MSRA: variants seen among roughly 807,000 people sequenced by gnomAD.
MSRA encodes the protein methionine sulfoxide reductase A, also known as mitochondrial peptide methionine sulfoxide reductase.
MSRA carries 54 observed loss-of-function variants against 31.3 expected under a neutral mutation model. That is an observed-to-expected ratio of 1.73 (90% confidence interval 1.39 to 2.17). The LOEUF is 2.17. Ranked by LOEUF, MSRA falls within the 30% of genes most tolerant of loss-of-function variation. MSRA has a pLI of 0.00. For missense variants in MSRA, 507 were observed against 300.9 expected, an observed-to-expected ratio of 1.69 and a Z score of -5.07; for synonymous variants, 169 against 116.5, an observed-to-expected ratio of 1.45 and a Z score of -2.90.
intron 5 of MSRA, among the ~76,000 whole-genome samples, chr8:10,367,815 T>G (rs887891952): frequency 8.5e-5 from 13 of 152,168 alleles, no homozygotes; most frequent in African/African-American, 3.1e-4. Context: ...TGGAAGAGGG[T>G]AACTGGGATG....
At chr8:10,130,884 C>T (rs1464374198) in intron 1 of MSRA, among the ~76,000 whole-genome samples, 2 of 152,192 alleles carry the variant, frequency 1.3e-5, no homozygotes, top group Non-Finnish European at 2.9e-5. Context: ...ATAGCCTTCT[C>T]AGGTTTTAGA....
At chr8:10,410,481 G>A (rs577779632) in intron 5 of MSRA, among the ~76,000 whole-genome samples, 1 of 152,206 alleles carries the variant, frequency 6.6e-6, no homozygotes, top group African/African-American at 2.4e-5. Flanking sequence ...GTTTAGAGCA[G>A]TGCTCCTGAA....
intron 1 of MSRA, among the ~76,000 whole-genome samples, chr8:10,125,853 A>G (rs1487989014): frequency 6.6e-6 from 1 of 152,180 alleles, no homozygotes; most frequent in East Asian, 1.9e-4. Flanking sequence ...ATTACTCACA[A>G]CAATGCGTCA....
chr8:10,423,795 TC>T (rs1207934121), intron 5 of MSRA, among the ~76,000 whole-genome samples: 1 of 152,090 alleles, frequency 6.6e-6, no homozygotes, highest in Non-Finnish European at 1.5e-5. Flanking sequence ...CTCCCACCAT[TC>T]CTTCCCAGGC....
At chr8:10,378,528 G>A (rs993715832) in intron 5 of MSRA, among the ~76,000 whole-genome samples, 1 of 152,196 alleles carries the variant, frequency 6.6e-6, no homozygotes, top group Non-Finnish European at 1.5e-5. Flanking sequence ...TGAACAGGCT[G>A]GGTGAGACTG....
intron 1 of MSRA, among the ~76,000 whole-genome samples, chr8:10,071,306 C>T (rs973736044): frequency 1.9e-4 from 29 of 152,138 alleles, no homozygotes; most frequent in Middle Eastern, 3.2e-3. Flanking sequence ...TATCCTCTTT[C>T]GTTAAATGTC....
chr8:10,294,728 G>A (rs77293159), intron 3 of MSRA, among the ~76,000 whole-genome samples: 1 of 152,284 alleles, frequency 6.6e-6, no homozygotes, highest in African/African-American at 2.4e-5. Flanking sequence ...GCGGGCTACA[G>A]CAGAGCCCAG....
chr8:10,102,150 C>T (rs1366082053), intron 1 of MSRA, among the ~76,000 whole-genome samples: 1 of 152,018 alleles, frequency 6.6e-6, no homozygotes, highest in African/African-American at 2.4e-5. Context: ...GCTCATTCAC[C>T]TTCTTGAATA....
At chr8:10,246,462 G>GT (rs1225455339) in intron 3 of MSRA, among the ~76,000 whole-genome samples, 1 of 152,204 alleles carries the variant, frequency 6.6e-6, no homozygotes, top group Admixed American at 6.5e-5. Flanking sequence ...TAGGGAGGGA[G>GT]TATCTGGAGT....
At chr8:10,165,506 G>A (rs920491857) in intron 1 of MSRA, among the ~76,000 whole-genome samples, 5 of 152,176 alleles carry the variant, frequency 3.3e-5, no homozygotes, top group African/African-American at 9.7e-5. Context: ...ACAGGCAAGG[G>A]GGCTAAGACC....
intron 1 of MSRA, among the ~76,000 whole-genome samples, chr8:10,055,417 G>A (rs943956637): frequency 9.8e-5 from 15 of 152,358 alleles, no homozygotes; most frequent in Non-Finnish European, 1.2e-4. Flanking sequence ...TTCTGCTGCA[G>A]ACAGCACGCG....
intron 5 of MSRA, among the ~76,000 whole-genome samples, chr8:10,336,303 T>C (rs1803039377): frequency 6.6e-6 from 1 of 152,172 alleles, no homozygotes; most frequent in African/African-American, 2.4e-5. Context: ...AACATTATTA[T>C]GCCAGAGACA....
At chr8:10,092,081 C>G (rs375199498) in intron 1 of MSRA, among the ~76,000 whole-genome samples, 1,106 of 100,128 alleles carry the variant, frequency 0.011, 17 homozygotes, top group African/African-American at 0.027. Context: ...GTTAAAGGGT[C>G]TGTAGTACTC....
intron 5 of MSRA, among the ~76,000 whole-genome samples, chr8:10,425,723 A>T (rs34629088): frequency 0.22 from 33,368 of 152,226 alleles, 3,946 homozygotes; most frequent in East Asian, 0.29. Flanking sequence ...CGGAGTGGGT[A>T]GGTCCTCTGA....
intron 3 of MSRA, among the ~76,000 whole-genome samples, chr8:10,299,387 G>A (rs1800721079): frequency 6.6e-6 from 1 of 151,954 alleles, no homozygotes. Context: ...AAAATAATAT[G>A]TTCTACTAGA....
chr8:10,428,050 C>A, intron 5 of MSRA, 98 bp from the exon 6 acceptor site: 2 of 1,339,324 alleles, frequency 1.5e-6, no homozygotes, highest in South Asian at 1.5e-5. Flanking sequence ...TCCCAAGCCA[C>A]GCGTCTGCTC....
rs186073881 is a variant in MSRA, at chr8:10,272,761, G to A, written c.331+27538G>A. ...TATGTGTTTATTTTTTTTATTCTAC[G>A]CTGTACATTTCTTGAGGGAGAGAAA... is the stretch of plus-strand genomic sequence containing the variant. On this transcript the variant is annotated intron_variant, in intron 3 of 5. Transcript: ENST00000317173. Among the ~76,000 whole-genome samples the A allele has an allele frequency of 3.9e-3, 591 of 152,130 alleles. 4 individuals carry two copies. Among genetic ancestry groups the A allele is most frequent in the Non-Finnish European group, 6.9e-3 (470 of 68,020 alleles).
At chr8:10,426,839 A>G (rs1809197563) in intron 5 of MSRA, among the ~76,000 whole-genome samples, 1 of 152,214 alleles carries the variant, frequency 6.6e-6, no homozygotes, top group African/African-American at 2.4e-5. Flanking sequence ...GTTTACAAAA[A>G]ATTGTCAAAA....
chr8:10,114,470 C>T lies in MSRA; in HGVS notation c.142+59812C>T, dbSNP rs903621708. Reference sequence around the variant, plus strand: ...TGCTACCAATAAAGTATGAGCATTCCAGTTTCTCTACATCCTTGCCAACAC... The same window carrying T: ...TGCTACCAATAAAGTATGAGCATTCTAGTTTCTCTACATCCTTGCCAACAC... On this transcript the variant is annotated intron_variant, in intron 1 of 5. Coordinates refer to ENST00000317173, the MANE Select transcript of MSRA (RefSeq NM_012331.5). 4.4e-4 allele frequency among the ~76,000 whole-genome samples: 67 copies of T among 151,076 alleles called. 1 individual carries two copies. The highest frequency in any genetic ancestry group is 1.5e-3 in the African/African-American group (63 of 41,014).
Sources: allele counts gnomAD v4.1 joint callset (sites outside exome capture counted in the v4.1 genomes callset), GRCh38; gene constraint gnomAD v4.1.1; transcripts MANE v1.5; gene names NCBI Gene and HGNC (gene_info 2026-07-23, HGNC 2026-07-21).